RIMS2: variants seen among roughly 807,000 people sequenced by gnomAD.
The protein encoded by RIMS2 is regulating synaptic membrane exocytosis protein 2.
A neutral mutation model predicts 174.4 loss-of-function variants in RIMS2; 59 were observed. That is an observed-to-expected ratio of 0.34 (90% confidence interval 0.27 to 0.42). The LOEUF (loss-of-function observed/expected upper bound fraction) is 0.42. Ranked by LOEUF, RIMS2 falls within the 10% of genes least tolerant of loss-of-function variation. The pLI, the probability that RIMS2 is intolerant of heterozygous loss-of-function variation, is 1.00. For synonymous variants in RIMS2, 606 were observed against 572.5 expected, an observed-to-expected ratio of 1.06 and a Z score of -0.84; for missense variants, 1,620 against 1,666.3, an observed-to-expected ratio of 0.97 and a Z score of 0.48.
At chr8:103,983,748 T>C (rs1309580546) in intron 16 of RIMS2, among the ~76,000 whole-genome samples, 1 of 152,074 alleles carries the variant, frequency 6.6e-6, no homozygotes, top group Non-Finnish European at 1.5e-5. Flanking sequence ...AAAATCAAAT[T>C]AAAACGGATT....
intron 3 of RIMS2, among the ~76,000 whole-genome samples, chr8:103,881,553 A>G (rs1229681074): frequency 6.6e-6 from 1 of 151,584 alleles, no homozygotes; most frequent in African/African-American, 2.4e-5. Flanking sequence ...ATCAGTCAGT[A>G]TGCTTTTTGG....
At chr8:103,796,595 C>A (rs934833534) in intron 3 of RIMS2, among the ~76,000 whole-genome samples, 3 of 152,070 alleles carry the variant, frequency 2.0e-5, no homozygotes, top group Non-Finnish European at 2.9e-5. Flanking sequence ...TTTTAAAAAT[C>A]TTTCCTTCTT....
intron 1 of RIMS2, among the ~76,000 whole-genome samples, chr8:103,529,740 G>C (rs1836090460): frequency 1.3e-5 from 2 of 152,212 alleles, no homozygotes; most frequent in Admixed American, 6.5e-5. Context: ...CTGTAGACTG[G>C]AGCTGTTCCT....
chr8:103,547,670 T>A (rs1845747048), intron 1 of RIMS2, among the ~76,000 whole-genome samples: 1 of 151,826 alleles, frequency 6.6e-6, no homozygotes, highest in Non-Finnish European at 1.5e-5. Context: ...AGTGCTGAAG[T>A]GAAGGAAATT....
chr8:104,001,091 T>C (rs922193742), intron 17 of RIMS2, among the ~76,000 whole-genome samples: 2 of 151,900 alleles, frequency 1.3e-5, no homozygotes, highest in Non-Finnish European at 2.9e-5. Flanking sequence ...TGTCAATTTT[T>C]GCTTTGGTTG....
At chr8:103,712,950 A>G (rs1016784158) in intron 2 of RIMS2, among the ~76,000 whole-genome samples, 3 of 152,260 alleles carry the variant, frequency 2.0e-5, no homozygotes. Flanking sequence ...TTTTTAACTT[A>G]TTTTATGTAA....
chr8:104,030,746 T>C (rs1397218859), intron 19 of RIMS2, among the ~76,000 whole-genome samples: 1 of 152,198 alleles, frequency 6.6e-6, no homozygotes, highest in Non-Finnish European at 1.5e-5. Context: ...AAAGTTGCCT[T>C]CTTAGAGAAG....
intron 19 of RIMS2, among the ~76,000 whole-genome samples, chr8:104,130,195 A>G (rs2098463447): frequency 2.0e-5 from 3 of 152,248 alleles, no homozygotes; most frequent in Admixed American, 6.5e-5. Flanking sequence ...AAGAATTTCC[A>G]TAATGGATAT....
intron 1 of RIMS2, among the ~76,000 whole-genome samples, chr8:103,536,743 A>C (rs1009916752): frequency 6.6e-6 from 1 of 152,158 alleles, no homozygotes; most frequent in African/African-American, 2.4e-5. Flanking sequence ...TAAACTATTC[A>C]TGAGAGCTCT....
intron 19 of RIMS2, among the ~76,000 whole-genome samples, chr8:104,073,097 C>A (rs988543885): frequency 6.6e-6 from 1 of 151,978 alleles, no homozygotes; most frequent in Non-Finnish European, 1.5e-5. Flanking sequence ...TCTTTATTTT[C>A]TCAGAAAAAT....
At chr8:104,079,597 T>TGATATATATATATATATATATATATA (rs2097367716) in intron 19 of RIMS2, among the ~76,000 whole-genome samples, 1 of 51,716 alleles carries the variant, frequency 1.9e-5, no homozygotes, top group African/African-American at 6.8e-5. Flanking sequence ...GGATTAAGCA[T>TGATATATATATATATATATATATATA]GATATATATA....
At chr8:103,953,013 A>T (rs1356300181) in intron 14 of RIMS2, among the ~76,000 whole-genome samples, 1 of 152,220 alleles carries the variant, frequency 6.6e-6, no homozygotes, top group Non-Finnish European at 1.5e-5. Flanking sequence ...AAAGGATATC[A>T]GAGATTGAAG....
At chr8:103,607,153 C>T (rs898041722) in intron 1 of RIMS2, among the ~76,000 whole-genome samples, 5 of 152,080 alleles carry the variant, frequency 3.3e-5, no homozygotes, top group African/African-American at 1.2e-4. Flanking sequence ...TTGTTCCTTT[C>T]CATGTGTAGT....
At chr8:104,164,464 TA>T (rs2098784381) in intron 19 of RIMS2, among the ~76,000 whole-genome samples, 1 of 152,162 alleles carries the variant, frequency 6.6e-6, no homozygotes, top group Non-Finnish European at 1.5e-5. Context: ...ACTTGTGTTT[TA>T]AAAATAAAAA....
chr8:104,028,512 T>C (rs2096307283), intron 19 of RIMS2, among the ~76,000 whole-genome samples: 1 of 152,202 alleles, frequency 6.6e-6, no homozygotes, highest in South Asian at 2.1e-4. Context: ...TCTGTTCTTT[T>C]TATGACTTTA....
intron 14 of RIMS2, among the ~76,000 whole-genome samples, chr8:103,956,270 CAA>C (rs534662947): frequency 0.018 from 2,754 of 152,130 alleles, 32 homozygotes; most frequent in Non-Finnish European, 0.029. Flanking sequence ...CATATGGAAC[CAA>C]AAAAGAGTCC....
intron 14 of RIMS2, among the ~76,000 whole-genome samples, chr8:103,944,460 C>G (rs2083251064): frequency 6.6e-6 from 1 of 151,982 alleles, no homozygotes; most frequent in African/African-American, 2.4e-5. Flanking sequence ...TTGCCAGCAT[C>G]TTCTTTTCAT....
intron 19 of RIMS2, among the ~76,000 whole-genome samples, chr8:104,073,672 T>G (rs1451836952): frequency 1.3e-5 from 2 of 152,182 alleles, no homozygotes; most frequent in Admixed American, 6.6e-5. Context: ...TATAATAGAT[T>G]GGGTTAGAAC....
At chr8:103,762,233 T>A (rs1433527415) in intron 2 of RIMS2, among the ~76,000 whole-genome samples, 3 of 152,116 alleles carry the variant, frequency 2.0e-5, no homozygotes, top group South Asian at 2.1e-4. Flanking sequence ...ATATTATTTT[T>A]AAAATTTTGA....
Sources: allele counts gnomAD v4.1 joint callset (sites outside exome capture counted in the v4.1 genomes callset), GRCh38; gene constraint gnomAD v4.1.1; transcripts MANE v1.5; gene names NCBI Gene and HGNC (gene_info 2026-07-23, HGNC 2026-07-21).